VWF: variants seen among roughly 807,000 people sequenced by gnomAD.
VWF encodes von Willebrand factor.
VWF carries 176 observed loss-of-function variants against 308.6 expected under a neutral mutation model. That is an observed-to-expected ratio of 0.57 (90% CI 0.50 to 0.65). VWF has a LOEUF of 0.65. Ranked by LOEUF, VWF falls within the 30% of genes least tolerant of loss-of-function variation. VWF has a pLI of 0.00. For synonymous variants in VWF, 1,385 were observed against 1,443.4 expected, an observed-to-expected ratio of 0.96 and a Z score of 0.92; for missense variants, 3,146 against 3,648.2, an observed-to-expected ratio of 0.86 and a Z score of 3.55.
intron 10 of VWF, 48 bp downstream of exon 10, chr12:6,071,249 C>T (rs368901622): frequency 6.2e-7 from 1 of 1,609,222 alleles, no homozygotes; most frequent in Non-Finnish European, 8.5e-7. Flanking sequence ...GAGGAGACGC[C>T]TCCCCGATTC....
chr12:5,998,516 T>TATATATATATATATATA (rs1943837518), intron 34 of VWF, among the ~76,000 whole-genome samples: 2 of 111,352 alleles, frequency 1.8e-5, no homozygotes, highest in African/African-American at 7.1e-5. Flanking sequence ...TATATATATA[T>TATATATATATATATATA]ATATATATAT....
In VWF at chr12:5,988,599, G is replaced by A. The variant is rs141325702; in HGVS notation, c.6799-2934C>T. 2.4e-3 allele frequency among the ~76,000 whole-genome samples: 373 copies of A among 152,290 alleles called. 2 individuals are homozygous for A. Among genetic ancestry groups the A allele is most frequent in the African/African-American group, 8.3e-3 (346 of 41,574 alleles). On this transcript the variant is annotated intron_variant, in intron 38 of 51. Coordinates refer to ENST00000261405, the MANE Select transcript of VWF (RefSeq NM_000552.5). ...CAAAAGCAGGTGTCCAACCTCCTCC[G>A]CTGGGGATTTTCATTTCCCAGGAAG... is the stretch of plus-strand genomic sequence containing the variant.
Position 5,994,159 on chromosome 12 carries a change from C to T in VWF, c.6301G>A (p.Gly2101Ser), listed in dbSNP as rs1943780105. 1 of 1,613,988 alleles carries T rather than the reference C, an allele frequency of 6.2e-7. No individual in the cohort carries two copies. The highest frequency in any genetic ancestry group is 1.7e-5 in the Admixed American group (1 of 59,992). The change falls in exon 37 of 52, where the codon GGC (glycine) becomes AGC (serine). Residue 2101 changes from glycine to serine, a missense_variant. Transcript: ENST00000261405. ...GTTTTCCAGTCTGTGGTGACTGTGC[C>T]ATCCCTCAGCATGAAGTCATTGGCT... is the stretch of plus-strand genomic sequence containing the variant. ...NGANDFMLRDGTVTTDWKTLV... is the reference protein window; with the variant it reads ...NGANDFMLRDSTVTTDWKTLV...
chr12:5,982,882 A>C (rs1943623612), intron 41 of VWF, among the ~76,000 whole-genome samples: 1 of 152,162 alleles, frequency 6.6e-6, no homozygotes, highest in Non-Finnish European at 1.5e-5. Context: ...AGGCCTCCTC[A>C]TCTCAGCCCC....
intron 35 of VWF, 103 bp from the exon 36 acceptor site, chr12:5,994,710 C>A: frequency 1.0e-6 from 1 of 966,848 alleles, no homozygotes; most frequent in Non-Finnish European, 1.7e-6. Flanking sequence ...CACTCAACTG[C>A]AACATCAGCC....
At chr12:5,982,063 G>A (rs1157739883) in intron 41 of VWF, 72 bp from the exon 42 acceptor site, 20 of 1,465,662 alleles carry the variant, frequency 1.4e-5, no homozygotes, top group Non-Finnish European at 1.6e-5. Context: ...TATGCTATAG[G>A]GTGCCAGGGA....
chr12:6,006,366 CTG>C (rs2136398248), intron 34 of VWF, among the ~76,000 whole-genome samples: 1 of 152,274 alleles, frequency 6.6e-6, no homozygotes, highest in South Asian at 2.1e-4. Flanking sequence ...ACAAGACTGA[CTG>C]AAAATAATTA....
At position 6,020,209 on chromosome 12, in the gene VWF, A is replaced by G. The variant is rs916326811; in HGVS notation, c.3675-466T>C. Among the ~76,000 whole-genome samples the G allele has an allele frequency of 6.6e-6, 1 of 152,264 alleles. No individual in the cohort carries two copies. The highest frequency in any genetic ancestry group is 6.5e-5 in the Admixed American group (1 of 15,286). On this transcript the variant is annotated intron_variant, in intron 27 of 51. Coordinates refer to ENST00000261405, the MANE Select transcript of VWF (RefSeq NM_000552.5). The surrounding 1 kb of genome is among the most constrained non-coding windows in gnomAD (Gnocchi z 4.3). ...TGAAGATAAATGCTTTACAGTACATATTCTAACAGAATGTAAATTGCATGA... is the reference window on the plus strand; with the variant it reads ...TGAAGATAAATGCTTTACAGTACATGTTCTAACAGAATGTAAATTGCATGA...
At chr12:5,961,780 A>G (rs1943319938) in intron 47 of VWF, among the ~76,000 whole-genome samples, 1 of 152,168 alleles carries the variant, frequency 6.6e-6, no homozygotes, top group Admixed American at 6.5e-5. Context: ...AAATTTGTGC[A>G]TCTACACAAA....
chr12:6,032,871 C>G (rs1249010676), intron 20 of VWF, among the ~76,000 whole-genome samples: 3 of 43,240 alleles, frequency 6.9e-5, no homozygotes, highest in African/African-American at 1.2e-4. Flanking sequence ...CACCCATGTA[C>G]TCATACACAC....
At chr12:6,115,715 T>C (rs564948326) in intron 3 of VWF, among the ~76,000 whole-genome samples, 1 of 152,236 alleles carries the variant, frequency 6.6e-6, no homozygotes, top group African/African-American at 2.4e-5. Flanking sequence ...TGCATTACTA[T>C]TGCATTCAGC....
At chr12:6,062,752 G>A (rs1944668550) in intron 13 of VWF, among the ~76,000 whole-genome samples, 1 of 152,140 alleles carries the variant, frequency 6.6e-6, no homozygotes, top group African/African-American at 2.4e-5. Flanking sequence ...CCAGCAGGAA[G>A]AATCCCCAGG....
At chr12:6,054,857 G>C (rs1392169494) in intron 15 of VWF, among the ~76,000 whole-genome samples, 2 of 152,206 alleles carry the variant, frequency 1.3e-5, no homozygotes, top group Non-Finnish European at 2.9e-5. Context: ...AGTGGAAGTG[G>C]GTAGAGGGGA....
rs1491411097 is a variant in VWF at position 6,103,467 on chromosome 12, CAT to C, written c.532+6905_532+6906del. Among the ~76,000 whole-genome samples, 100 of 46,778 alleles carry C rather than the reference CAT, an allele frequency of 2.1e-3. 10 individuals carry two copies. The highest frequency in any genetic ancestry group is 0.015 in the African/African-American group (94 of 6,224). 30.7% of individuals were successfully genotyped at this position (46,778 alleles called of 152,430 possible). ...ACATACACATATATGTGTATATACA[CAT>C]ATGTGTGTATATACATATATGTGTA... On this transcript the variant is annotated intron_variant, in intron 5 of 51. Coordinates refer to ENST00000261405, the MANE Select transcript of VWF (RefSeq NM_000552.5).
chr12:6,034,188 T>C (rs1235282670), intron 20 of VWF, among the ~76,000 whole-genome samples: 2 of 152,108 alleles, frequency 1.3e-5, no homozygotes, highest in Admixed American at 6.5e-5. Context: ...CACAAAGCCA[T>C]ATCGTGGGAA....
chr12:6,003,649 T>C (rs1221131874), intron 34 of VWF, among the ~76,000 whole-genome samples: 1 of 152,056 alleles, frequency 6.6e-6, no homozygotes, highest in South Asian at 2.1e-4. Flanking sequence ...AGTAGTCTCA[T>C]TCAGAGAGAC....
intron 38 of VWF, among the ~76,000 whole-genome samples, chr12:5,988,777 A>G (rs1349154698): frequency 1.3e-5 from 2 of 152,208 alleles, no homozygotes. Context: ...GCACAAGCCC[A>G]GGCCAACTGC....
chr12:6,110,937 G>A lies in VWF; in HGVS notation c.252C>T (p.Leu84=). Residue 84 remains leucine, a synonymous_variant, in exon 4 of 52, where the codon CTC becomes CTT. Transcript: ENST00000261405. The part of the protein sequence containing the change: ...GDFQNGKRVS[L]SVYLGEFFDI... ...CAAAAAATTCCCCAAGATACACGGAGAGGCTCACTCTCTTGCCATTCTGGA... is the reference window on the plus strand; with the variant it reads ...CAAAAAATTCCCCAAGATACACGGAAAGGCTCACTCTCTTGCCATTCTGGA... 6.2e-7 allele frequency: 1 copy of A among 1,614,144 alleles called. No individual in the cohort carries two copies. The highest frequency in any genetic ancestry group is 8.5e-7 in the Non-Finnish European group (1 of 1,180,026).
At chr12:6,093,726 C>T (rs1945075651) in intron 6 of VWF, among the ~76,000 whole-genome samples, 1 of 152,230 alleles carries the variant, frequency 6.6e-6, no homozygotes, top group Admixed American at 6.5e-5. Context: ...GGGAATTACC[C>T]ATTGAGTGAG....
Sources: gnomAD v4.1 joint callset for allele counts (sites outside exome capture counted in the v4.1 genomes callset) on GRCh38, gnomAD v4.1.1 for gene constraint, Gnocchi (gnomAD v3.1) non-coding constraint, MANE v1.5 for transcripts, NCBI Gene and HGNC (gene_info 2026-07-23, HGNC 2026-07-21) for gene names.